The following CCDC27 variants were observed in gnomAD, a reference collection of about 807,000 sequenced individuals.
The protein encoded by CCDC27 is coiled-coil domain-containing protein 27.
CCDC27 carries 80 observed loss-of-function variants against 80.3 expected under a neutral mutation model. That is an observed-to-expected ratio of 1.00 (90% confidence interval 0.83 to 1.20). The LOEUF (loss-of-function observed/expected upper bound fraction) is 1.20, where lower values mean the gene tolerates loss of function less well. Among genes scored for constraint, CCDC27 ranks in the 50% most tolerant of loss-of-function variants. The pLI is 0.00. For missense variants in CCDC27, 815 were observed against 809.4 expected (o/e 1.01, Z -0.08); for synonymous variants, 342 against 334.3 (o/e 1.02, Z -0.25).
intron 4 of CCDC27, among the ~76,000 whole-genome samples, chr1:3,758,084 GT>G (rs1407543781): frequency 3.3e-5 from 5 of 152,154 alleles, no homozygotes; most frequent in Non-Finnish European, 5.9e-5. Context: ...CTCTGGAAGA[GT>G]TTGTATAAGA....
chr1:3,766,558 G>C lies in CCDC27; in HGVS notation c.1476G>C (p.Lys492Asn). ...AGTTCTCCAACCTCCGAGAAGATAAGAAACACCAAGAGATGATGGGGCTCA... is the reference window on the plus strand; with the variant it reads ...AGTTCTCCAACCTCCGAGAAGATAACAAACACCAAGAGATGATGGGGCTCA... ...TDKFSNLRED[K>N]KHQEMMGLIE... Residue 492 changes from lysine to asparagine, a missense_variant, in exon 9 of 12, where the codon AAG becomes AAC. Physicochemically the swap from Lys to Asn is moderately conservative, Grantham distance 94. Coordinates refer to ENST00000294600, the MANE Select transcript of CCDC27 (RefSeq NM_152492.3). The surrounding 1 kb of genome is among the most constrained non-coding windows in gnomAD (Gnocchi z 6.1). The C allele has an allele frequency of 6.2e-7, 1 of 1,613,874 alleles. No homozygotes were observed. The highest frequency in any genetic ancestry group is 8.5e-7 in the Non-Finnish European group (1 of 1,179,960).
chr1:3,754,185 C>G lies in CCDC27; in HGVS notation c.386C>G (p.Pro129Arg). The G allele has an allele frequency of 6.2e-7, 1 of 1,613,752 alleles. No homozygotes were observed. Among genetic ancestry groups the G allele is most frequent in the South Asian group, 1.1e-5 (1 of 91,060 alleles). Reference sequence around the variant, plus strand: ...AAAATGGAACTTCGAAGGGTCTTCCCCACGCATCCTGACTGCCCCCAGTTC... The same window carrying G: ...AAAATGGAACTTCGAAGGGTCTTCCGCACGCATCCTGACTGCCCCCAGTTC... ...MSKMELRRVF[P>R]THPDCPQFST... The change falls in exon 2 of 12, where the codon CCC becomes CGC. Residue 129 changes from proline to arginine, a missense_variant. Coordinates refer to ENST00000294600, the MANE Select transcript of CCDC27 (RefSeq NM_152492.3).
chr1:3,753,848 G>A (rs1181439405), intron 1 of CCDC27, among the ~76,000 whole-genome samples: 1 of 152,068 alleles, frequency 6.6e-6, no homozygotes, highest in Non-Finnish European at 1.5e-5. Context: ...GCAGAAGCAG[G>A]GCCCCCGTCT....
rs1234343740 is a variant in CCDC27, at chr1:3,768,280, G to A, written c.1743+835G>A. On this transcript the variant is annotated intron_variant, in intron 10 of 11. Transcript: ENST00000294600. This position sits in a 1 kb window ranked among gnomAD's most constrained non-coding sequence, Gnocchi z 5.6. ...ACCTGGCCAATTTTAAAAGCTTTTT[G>A]TAGAGACGGTCTCACTATGCTGTCC... is the stretch of plus-strand genomic sequence containing the variant. Among the ~76,000 whole-genome samples the A allele has an allele frequency of 3.3e-5, 5 of 151,948 alleles. No individual in the cohort carries two copies. Among genetic ancestry groups the A allele is most frequent in the Non-Finnish European group, 7.4e-5 (5 of 67,976 alleles).
rs765629272 is a variant in CCDC27 at position 3,763,399 on chromosome 1, G to A, written c.1246G>A (p.Glu416Lys). 13 of 1,612,690 alleles carry A rather than the reference G, an allele frequency of 8.1e-6. No individual in the cohort carries two copies. Among genetic ancestry groups the A allele is most frequent in the African/African-American group, 1.3e-5 (1 of 74,876 alleles). Residue 416 changes from glutamate to lysine, a missense_variant, in exon 7 of 12, where the codon GAG (glutamate) becomes AAG (lysine). Coordinates refer to ENST00000294600, the MANE Select transcript of CCDC27 (RefSeq NM_152492.3). The surrounding 1 kb of genome is among the most constrained non-coding windows in gnomAD (Gnocchi z 7.5). ...TGAGGAGGAGCTGCTGGCCCAGCTG[G>A]AGGAGTACGAGCAGGTCATCCTGGA... ...SFEEELLAQL[E>K]EYEQVILDFQ...
chr1:3,761,655 G>C lies in CCDC27; in HGVS notation c.861+225G>C, dbSNP rs1570709655. ...ATGAGAGCCATGAGCTGATGCAACA[G>C]GGGGGGGAGAGATGAATGGAGGCGC... On this transcript the variant is annotated intron_variant, in intron 5 of 11. Coordinates refer to ENST00000294600, the MANE Select transcript of CCDC27 (RefSeq NM_152492.3). This position sits in a 1 kb window ranked among gnomAD's most constrained non-coding sequence, Gnocchi z 5.0. Among the ~76,000 whole-genome samples the C allele has an allele frequency of 1.2e-5, 1 of 85,922 alleles. No homozygotes were observed. Among genetic ancestry groups the C allele is most frequent in the South Asian group, 3.2e-4 (1 of 3,090 alleles). 56.4% of individuals were successfully genotyped at this position (85,922 alleles called of 152,430 possible).
Position 3,761,665 on chromosome 1 carries a change from A to T in CCDC27, c.861+235A>T, listed in dbSNP as rs1379019890. 6.6e-6 allele frequency among the ~76,000 whole-genome samples: 1 copy of T among 151,912 alleles called. No homozygotes were observed. The highest frequency in any genetic ancestry group is 1.9e-4 in the East Asian group (1 of 5,174). ...TGAGCTGATGCAACAGGGGGGGGAG[A>T]GATGAATGGAGGCGCAAAATGACAA... On this transcript the variant is annotated intron_variant, in intron 5 of 11. Coordinates refer to ENST00000294600, the MANE Select transcript of CCDC27 (RefSeq NM_152492.3). This position sits in a 1 kb window ranked among gnomAD's most constrained non-coding sequence, Gnocchi z 5.0.
rs533007704 is a variant in CCDC27, at chr1:3,761,621, A to G, written c.861+191A>G. Reference sequence around the variant, plus strand: ...CAGGGGAGAGGCGAACAGAGGCACGAAATGACAAATGAGAGCCATGAGCTG... The same window carrying G: ...CAGGGGAGAGGCGAACAGAGGCACGGAATGACAAATGAGAGCCATGAGCTG... On this transcript the variant is annotated intron_variant, in intron 5 of 11. Coordinates refer to ENST00000294600, the MANE Select transcript of CCDC27 (RefSeq NM_152492.3). The surrounding 1 kb of genome is among the most constrained non-coding windows in gnomAD (Gnocchi z 5.0). 6.6e-6 allele frequency among the ~76,000 whole-genome samples: 1 copy of G among 152,080 alleles called. No individual in the cohort carries two copies. Among genetic ancestry groups the G allele is most frequent in the East Asian group, 1.9e-4 (1 of 5,148 alleles).
chr1:3,764,844 T>TG (rs1402518506), intron 8 of CCDC27, among the ~76,000 whole-genome samples: 1 of 152,142 alleles, frequency 6.6e-6, no homozygotes, highest in African/African-American at 2.4e-5. Flanking sequence ...AAGACCCGCC[T>TG]GACCAATATG....
In CCDC27 at chr1:3,769,576, G is replaced by A; in HGVS notation, c.1744-207G>A. On this transcript the variant is annotated intron_variant, in intron 10 of 11. Transcript: ENST00000294600. This position sits in a 1 kb window ranked among gnomAD's most constrained non-coding sequence, Gnocchi z 4.6. ...TGGGCTTTGGGGCTGGGCCGCACAG[G>A]GTCAGGGGTTGGATCCGGCACCTCC... Among the ~76,000 whole-genome samples the A allele has an allele frequency of 6.6e-6, 1 of 152,096 alleles. No homozygotes were observed. The highest frequency in any genetic ancestry group is 1.9e-4 in the East Asian group (1 of 5,206).
chr1:3,767,217 C>A lies in CCDC27; in HGVS notation c.1531-16C>A. The A allele has an allele frequency of 6.2e-7, 1 of 1,611,196 alleles. No homozygotes were observed. The highest frequency in any genetic ancestry group is 8.5e-7 in the Non-Finnish European group (1 of 1,178,390). ...CGAAATGACCCCACCTCTTTTTTCT[C>A]CCCGGCTGTCCCCAGCAAGTGTCGG... On this transcript the variant is annotated splice_polypyrimidine_tract_variant and intron_variant, in intron 9 of 11. Coordinates refer to ENST00000294600, the MANE Select transcript of CCDC27 (RefSeq NM_152492.3).
rs904477838 is a variant in CCDC27, at chr1:3,763,225, G to A, written c.1072G>A (p.Gly358Ser). ...DGVEDTGAWG[G>S]VSQMGSVHEE... Reference sequence around the variant, plus strand: ...GGTGGAGGACACGGGTGCCTGGGGAGGTGTGAGCCAGATGGGATCCGTGCA... The same window carrying A: ...GGTGGAGGACACGGGTGCCTGGGGAAGTGTGAGCCAGATGGGATCCGTGCA... The change falls in exon 7 of 12, where the codon GGT becomes AGT. Residue 358 changes from glycine (G) to serine (S), a missense_variant. Physicochemically the swap from Gly to Ser is moderately conservative, Grantham distance 56. Coordinates refer to ENST00000294600, the MANE Select transcript of CCDC27 (RefSeq NM_152492.3). The surrounding 1 kb of genome is among the most constrained non-coding windows in gnomAD (Gnocchi z 7.5). 2 of 1,546,614 alleles carry A rather than the reference G, an allele frequency of 1.3e-6. No homozygotes were observed. Among genetic ancestry groups the A allele is most frequent in the Middle Eastern group, 1.7e-4 (1 of 5,770 alleles).
Position 3,760,041 on chromosome 1 carries a change from G to T in CCDC27, c.712-1240G>T, listed in dbSNP as rs1225083460. 2.0e-5 allele frequency among the ~76,000 whole-genome samples: 3 copies of T among 152,144 alleles called. No individual in the cohort carries two copies. Among genetic ancestry groups the T allele is most frequent in the African/African-American group, 7.2e-5 (3 of 41,432 alleles). ...ATAGATAAACTCTTCTCATTTGGTGGCAAGAGAGCCACCTGCAGCAACAAG... is the reference window on the plus strand; with the variant it reads ...ATAGATAAACTCTTCTCATTTGGTGTCAAGAGAGCCACCTGCAGCAACAAG... On this transcript the variant is annotated intron_variant, in intron 4 of 11. Transcript: ENST00000294600. The surrounding 1 kb of genome is among the most constrained non-coding windows in gnomAD (Gnocchi z 4.3).
Position 3,771,399 on chromosome 1 carries a change from A to G in CCDC27, c.1849-2A>G, listed in dbSNP as rs1019643398. 1.2e-6 allele frequency: 2 copies of G among 1,613,876 alleles called. No individual in the cohort carries two copies. Among genetic ancestry groups the G allele is most frequent in the Admixed American group, 1.7e-5 (1 of 60,006 alleles). On this transcript the variant is annotated splice_acceptor_variant, in intron 11 of 11. Coordinates refer to ENST00000294600, the MANE Select transcript of CCDC27 (RefSeq NM_152492.3). LOFTEE classifies it high-confidence loss of function. ...ACCTCGACGGCTGTGTTTCTTGTGT[A>G]GAGAATTATCTCAGAGAGAAGCGAC...
At chr1:3,765,052 A>AC (rs1491272399) in intron 8 of CCDC27, among the ~76,000 whole-genome samples, 1 of 145,494 alleles carries the variant, frequency 6.9e-6, no homozygotes, top group African/African-American at 2.6e-5. Context: ...AAAAAAAAAA[A>AC]CGATGAACAG....
In CCDC27 at chr1:3,768,056, C is replaced by T. The variant is rs1433496819; in HGVS notation, c.1743+611C>T. Among the ~76,000 whole-genome samples the T allele has an allele frequency of 6.7e-6, 1 of 150,180 alleles. No homozygotes were observed. Among genetic ancestry groups the T allele is most frequent in the African/African-American group, 2.5e-5 (1 of 40,758 alleles). Reference sequence around the variant, plus strand: ...GAGTGTGCCCTGCTTGTGAGGGCCCCATGCCAAAAAGGAAATCAATAAAGA... The same window carrying T: ...GAGTGTGCCCTGCTTGTGAGGGCCCTATGCCAAAAAGGAAATCAATAAAGA... On this transcript the variant is annotated intron_variant, in intron 10 of 11. Transcript: ENST00000294600. The surrounding 1 kb of genome is among the most constrained non-coding windows in gnomAD (Gnocchi z 5.6).
rs1479355951 is a variant in CCDC27 at position 3,771,552 on chromosome 1, C to T, written c.*29C>T. On this transcript the variant is annotated 3_prime_UTR_variant, in exon 12 of 12. Transcript: ENST00000294600. ...CAGCCAGGCCCCCAAATACGGTCAG[C>T]CCAGCAGAGGCCGGGGCCCAGCTCC... 2.5e-6 allele frequency: 4 copies of T among 1,611,094 alleles called. No individual in the cohort carries two copies. The highest frequency in any genetic ancestry group is 3.4e-6 in the Non-Finnish European group (4 of 1,179,566).
In CCDC27 at chr1:3,761,980, G is replaced by T. The variant is rs1411775762; in HGVS notation, c.861+550G>T. Among the ~76,000 whole-genome samples the T allele has an allele frequency of 6.6e-6, 1 of 151,780 alleles. No individual in the cohort carries two copies. Among genetic ancestry groups the T allele is most frequent in the African/African-American group, 2.4e-5 (1 of 41,188 alleles). The stretch of plus-strand genomic sequence containing the variant: ...GCGAGGTTGGGCATGGGGTTGGGGT[G>T]GGGGTGGGGTAGAGGTGGGGATGCA... On this transcript the variant is annotated intron_variant, in intron 5 of 11. Transcript: ENST00000294600. This position sits in a 1 kb window ranked among gnomAD's most constrained non-coding sequence, Gnocchi z 5.0.
intron 11 of CCDC27, among the ~76,000 whole-genome samples, chr1:3,770,485 G>A (rs969186879): frequency 2.6e-5 from 4 of 152,252 alleles, no homozygotes; most frequent in African/African-American, 9.6e-5. Context: ...CCTCTGTGAT[G>A]GACAGCGCAT....
Sources: allele counts gnomAD v4.1 joint callset (sites outside exome capture counted in the v4.1 genomes callset), GRCh38; gene constraint gnomAD v4.1.1; non-coding constraint Gnocchi (gnomAD v3.1); transcripts MANE v1.5; gene names NCBI Gene and HGNC (gene_info 2026-07-23, HGNC 2026-07-21).